AKAP13: variants seen among roughly 807,000 people sequenced by gnomAD.
The protein encoded by AKAP13 is A-kinase anchor protein 13.
AKAP13 carries 80 observed loss-of-function variants against 264.5 expected under a neutral mutation model. The ratio of observed to expected loss-of-function variants is 0.30; its 90% CI spans 0.25 to 0.36. AKAP13 has a LOEUF of 0.36. AKAP13 is among the 10% of genes least tolerant of loss of function. The pLI, the probability that AKAP13 is intolerant of heterozygous loss-of-function variation, is 1.00. For synonymous variants in AKAP13, 1,380 were observed against 1,250.2 expected (o/e 1.10, Z -2.19); for missense variants, 3,712 against 3,435.2 (o/e 1.08, Z -2.01).
At chr15:85,456,567 T>G (rs1410094699) in intron 1 of AKAP13, among the ~76,000 whole-genome samples, 1 of 121,858 alleles carries the variant, frequency 8.2e-6, no homozygotes, top group Admixed American at 8.4e-5. Context: ...TTTTTTTTTT[T>G]GAGACAGAGT....
chr15:85,604,657 T>G (rs34504976), intron 8 of AKAP13, among the ~76,000 whole-genome samples: 30,057 of 151,890 alleles, frequency 0.2, 3,372 homozygotes, highest in East Asian at 0.35. Context: ...AGAGATGAGG[T>G]TTCACCATGT....
chr15:85,442,421 A>ATATATAT (rs370698661), intron 1 of AKAP13, among the ~76,000 whole-genome samples: 12 of 114,778 alleles, frequency 1.0e-4, no homozygotes, highest in Non-Finnish European at 1.6e-4. Flanking sequence ...AAAAAAAAAA[A>ATATATAT]AAATATATAT....
intron 1 of AKAP13, among the ~76,000 whole-genome samples, chr15:85,389,486 G>C (rs1039973192): frequency 1.3e-5 from 2 of 152,224 alleles, no homozygotes; most frequent in African/African-American, 4.8e-5. Flanking sequence ...CACTTTTCTA[G>C]TAGTTAGGGA....
intron 8 of AKAP13, among the ~76,000 whole-genome samples, chr15:85,638,589 T>C (rs2082166129): frequency 6.6e-6 from 1 of 152,190 alleles, no homozygotes. Flanking sequence ...ATTTTAAAAA[T>C]TTAAAATTCA....
chr15:85,686,465 C>T lies in AKAP13; in HGVS notation c.5289+1592C>T, dbSNP rs576354770. Among the ~76,000 whole-genome samples, 19 of 152,230 alleles carry T rather than the reference C, an allele frequency of 1.2e-4. No homozygotes were observed. The South Asian group carries it at 3.9e-3, about 32-fold the overall frequency. ...AGAAATTTTTCCACCAAACGTGCCA[C>T]AAGAATTGTGTTTTCATTTCTCCTG... On this transcript the variant is annotated intron_variant, in intron 16 of 36. Coordinates refer to ENST00000394518, the MANE Select transcript of AKAP13 (RefSeq NM_007200.5).
intron 6 of AKAP13, among the ~76,000 whole-genome samples, chr15:85,578,083 GA>G (rs1446570774): frequency 1.3e-5 from 2 of 152,182 alleles, no homozygotes; most frequent in African/African-American, 4.8e-5. Context: ...AGGTGTTGGA[GA>G]ACAGCCTGGG....
chr15:85,735,814 G>A (rs904378471), intron 32 of AKAP13, among the ~76,000 whole-genome samples, 184 bp downstream of exon 32: 1 of 152,188 alleles, frequency 6.6e-6, no homozygotes, highest in African/African-American at 2.4e-5. Context: ...ATTATTGGCT[G>A]TTTGGCCTCA....
intron 8 of AKAP13, among the ~76,000 whole-genome samples, chr15:85,634,927 T>C (rs1567167182): frequency 6.6e-6 from 1 of 152,094 alleles, no homozygotes; most frequent in Non-Finnish European, 1.5e-5. Flanking sequence ...TCTATGAATC[T>C]ATAACATTGT....
At chr15:85,725,829 A>G (rs1164885181) in intron 26 of AKAP13, among the ~76,000 whole-genome samples, 1 of 152,246 alleles carries the variant, frequency 6.6e-6, no homozygotes, top group African/African-American at 2.4e-5. Context: ...AGCTGAGGAA[A>G]GAGCCCTATA....
intron 30 of AKAP13, among the ~76,000 whole-genome samples, chr15:85,733,574 T>C (rs2088204243): frequency 6.6e-6 from 1 of 152,186 alleles, no homozygotes; most frequent in Non-Finnish European, 1.5e-5. Flanking sequence ...TTTGGTCTTC[T>C]TCAAGGTCTC....
intron 10 of AKAP13, among the ~76,000 whole-genome samples, chr15:85,650,001 AAAAATC>A (rs1429001395): frequency 1.3e-5 from 2 of 152,212 alleles, no homozygotes; most frequent in African/African-American, 4.8e-5. Flanking sequence ...ATTGATTTAA[AAAAATC>A]AGAATGACTT....
At chr15:85,381,233 CCGCCGTGGAGTCCG>C (rs2070231078) in intron 1 of AKAP13, among the ~76,000 whole-genome samples, 1 of 152,092 alleles carries the variant, frequency 6.6e-6, no homozygotes, top group South Asian at 2.1e-4. Flanking sequence ...TGTGGAGTCC[CCGCCGTGGAGTCCG>C]CGCCGTGAAC....
chr15:85,415,205 C>A, intron 1 of AKAP13: 1 of 1,484,330 alleles, frequency 6.7e-7, no homozygotes, highest in Non-Finnish European at 9.2e-7. Context: ...CCGCTCTGCA[C>A]GCCAGCTCGC....
intron 1 of AKAP13, among the ~76,000 whole-genome samples, chr15:85,460,744 A>G (rs1259328064): frequency 1.3e-5 from 2 of 152,234 alleles, no homozygotes; most frequent in African/African-American, 4.8e-5. Flanking sequence ...AAGGTCAGAT[A>G]AATTTGACTT....
At chr15:85,488,944 G>A (rs2075650175) in intron 2 of AKAP13, among the ~76,000 whole-genome samples, 1 of 152,206 alleles carries the variant, frequency 6.6e-6, no homozygotes, top group African/African-American at 2.4e-5. Context: ...TAGAGTAGTA[G>A]TTTGAGAAAA....
At chr15:85,731,192 T>TA (rs563211612) in intron 30 of AKAP13, among the ~76,000 whole-genome samples, 33 of 151,910 alleles carry the variant, frequency 2.2e-4, no homozygotes, top group Admixed American at 1.5e-3. Flanking sequence ...TTTTCACAGA[T>TA]ACAGGGTTTC....
intron 8 of AKAP13, among the ~76,000 whole-genome samples, chr15:85,631,290 G>A (rs1016241525): frequency 1.2e-4 from 18 of 152,024 alleles, no homozygotes; most frequent in Non-Finnish European, 2.5e-4. Context: ...ATGGGGGTGA[G>A]GCATGACTAC....
chr15:85,738,064 A>G (rs1269039700), intron 33 of AKAP13, among the ~76,000 whole-genome samples: 1 of 152,196 alleles, frequency 6.6e-6, no homozygotes, highest in Non-Finnish European at 1.5e-5. Context: ...ATGCTTAGCT[A>G]GAGTCGGCAG....
chr15:85,639,471 A>G (rs562392126), intron 9 of AKAP13, 22 bp downstream of exon 9: 2 of 1,584,580 alleles, frequency 1.3e-6, no homozygotes, highest in Admixed American at 1.7e-5. Context: ...TTATCCATTC[A>G]TTTTCTGGAG....
Sources: gnomAD v4.1 joint callset for allele counts (sites outside exome capture counted in the v4.1 genomes callset) on GRCh38, gnomAD v4.1.1 for gene constraint, MANE v1.5 for transcripts, NCBI Gene and HGNC (gene_info 2026-07-23, HGNC 2026-07-21) for gene names.